Variants in CSNK2A2IP observed in about 807,000 individuals in gnomAD.
CSNK2A2IP encodes the protein casein kinase 2 subunit alpha' interacting protein.
At chr3:88,387,230 T>C in the CSNK2A2IP span, among the ~76,000 whole-genome samples, 1 of 151,254 alleles carries the variant, frequency 6.6e-6, no homozygotes, top group African/African-American at 2.4e-5. Flanking sequence ...TTCAGGATCT[T>C]GGCTCATTGC....
At chr3:88,411,462 T>A in the CSNK2A2IP span, among the ~76,000 whole-genome samples, 1 of 151,956 alleles carries the variant, frequency 6.6e-6, no homozygotes, top group Non-Finnish European at 1.5e-5. Context: ...ATGAATAAGA[T>A]CTTATAAGCT....
At chr3:88,362,854 A>C in the CSNK2A2IP span, among the ~76,000 whole-genome samples, 1 of 152,094 alleles carries the variant, frequency 6.6e-6, no homozygotes, top group Non-Finnish European at 1.5e-5. Flanking sequence ...AGTCCTTTGT[A>C]GTCTTCCCTC....
chr3:88,440,312 A>C, the CSNK2A2IP span, among the ~76,000 whole-genome samples: 1 of 152,162 alleles, frequency 6.6e-6, no homozygotes, highest in African/African-American at 2.4e-5. Flanking sequence ...TTTTTAGATT[A>C]ATTTAAAAAG....
chr3:88,426,893 G>GGA, the CSNK2A2IP span, among the ~76,000 whole-genome samples: 1 of 151,742 alleles, frequency 6.6e-6, no homozygotes, highest in Non-Finnish European at 1.5e-5. Flanking sequence ...GGGGGATGGG[G>GGA]GGGGGCGGTG....
the CSNK2A2IP span, among the ~76,000 whole-genome samples, chr3:88,392,129 G>A: frequency 6.6e-6 from 1 of 152,174 alleles, no homozygotes. Flanking sequence ...TTTCTGGATG[G>A]ATCACCAGAG....
the CSNK2A2IP span, chr3:88,465,304 TA>T: frequency 9.1e-7 from 1 of 1,101,076 alleles, no homozygotes; most frequent in Non-Finnish European, 1.2e-6. Flanking sequence ...TAACAGTTAC[TA>T]AATCATCCCC....
the CSNK2A2IP span, among the ~76,000 whole-genome samples, chr3:88,368,081 A>C: frequency 6.6e-6 from 1 of 152,172 alleles, no homozygotes; most frequent in African/African-American, 2.4e-5. Flanking sequence ...TTCTCTTATA[A>C]GTAAACTAGT....
chr3:88,388,795 G>C, the CSNK2A2IP span, among the ~76,000 whole-genome samples: 7 of 152,022 alleles, frequency 4.6e-5, no homozygotes, highest in African/African-American at 1.4e-4. Flanking sequence ...TCGAATTAAG[G>C]CTGCCTGTTT....
At chr3:88,465,219 C>A in the CSNK2A2IP span, 11 of 456,334 alleles carry the variant, frequency 2.4e-5, no homozygotes, top group Non-Finnish European at 3.9e-5. Flanking sequence ...TGAGAATTAA[C>A]AGAAATATTG....
chr3:88,457,625 G>A, the CSNK2A2IP span, among the ~76,000 whole-genome samples: 1 of 151,628 alleles, frequency 6.6e-6, no homozygotes, highest in African/African-American at 2.4e-5. Flanking sequence ...TGAACTGGGA[G>A]GCAGAGGTTG....
At chr3:88,403,300 A>C in the CSNK2A2IP span, among the ~76,000 whole-genome samples, 1 of 152,124 alleles carries the variant, frequency 6.6e-6, no homozygotes, top group East Asian at 1.9e-4. Flanking sequence ...AATGCCCCCA[A>C]ATATGATTCA....
chr3:88,465,998 C>T, the CSNK2A2IP span: 1 of 1,231,682 alleles, frequency 8.1e-7, no homozygotes, highest in Non-Finnish European at 1.0e-6. Context: ...CTTAGCTCGA[C>T]ATTGCTTCAA....
the CSNK2A2IP span, chr3:88,399,907 G>A: frequency 1.3e-5 from 2 of 152,120 alleles, no homozygotes; most frequent in African/African-American, 2.4e-5. Context: ...GTAAAATATG[G>A]CACAGAAATT....
At chr3:88,400,532 T>G in the CSNK2A2IP span, among the ~76,000 whole-genome samples, 1 of 152,206 alleles carries the variant, frequency 6.6e-6, no homozygotes, top group Non-Finnish European at 1.5e-5. Flanking sequence ...TGGATTATCA[T>G]AGTGGACCTA....
chr3:88,372,658 C>A, the CSNK2A2IP span, among the ~76,000 whole-genome samples: 1 of 151,438 alleles, frequency 6.6e-6, no homozygotes, highest in East Asian at 1.9e-4. Flanking sequence ...TGTAAACAAA[C>A]TTCAATCAAT....
At chr3:88,377,146 A>C in the CSNK2A2IP span, among the ~76,000 whole-genome samples, 1 of 151,808 alleles carries the variant, frequency 6.6e-6, no homozygotes, top group Non-Finnish European at 1.5e-5. Flanking sequence ...CTTTCTGCAG[A>C]GATCCAGACC....
chr3:88,416,011 C>T, the CSNK2A2IP span, among the ~76,000 whole-genome samples: 1 of 152,040 alleles, frequency 6.6e-6, no homozygotes, highest in South Asian at 2.1e-4. Flanking sequence ...TGGCTCACAC[C>T]TGTAATCCCA....
chr3:88,457,249 G>T, the CSNK2A2IP span, among the ~76,000 whole-genome samples: 1 of 151,992 alleles, frequency 6.6e-6, no homozygotes, highest in African/African-American at 2.4e-5. Flanking sequence ...TGTCAAATTT[G>T]GTCTTGTCTG....
the CSNK2A2IP span, among the ~76,000 whole-genome samples, chr3:88,370,603 T>TCC: frequency 8.0e-6 from 1 of 125,740 alleles, no homozygotes; most frequent in Non-Finnish European, 1.9e-5. Flanking sequence ...TTTCTTTCTC[T>TCC]CTCTCTCTCT....
Sources: allele counts gnomAD v4.1 joint callset (sites outside exome capture counted in the v4.1 genomes callset), GRCh38; gene constraint gnomAD v4.1.1; transcripts MANE v1.5; gene names NCBI Gene and HGNC (gene_info 2026-07-23, HGNC 2026-07-21).